ZNF570: variants seen among roughly 807,000 people sequenced by gnomAD.
The protein encoded by ZNF570 is zinc finger protein 570.
ZNF570 carries 8 observed loss-of-function variants against 14.2 expected under a neutral mutation model. The ratio of observed to expected loss-of-function variants is 0.56; its 90% CI spans 0.33 to 1.02. The LOEUF (loss-of-function observed/expected upper bound fraction) is 1.02, where lower values mean the gene tolerates loss of function less well. ZNF570 is among the 50% of genes least tolerant of loss of function. ZNF570 has a pLI of 0.03. For synonymous variants in ZNF570, 202 were observed against 207.6 expected, an observed-to-expected ratio of 0.97 and a Z score of 0.23; for missense variants, 559 against 624.9, an observed-to-expected ratio of 0.89 and a Z score of 1.12.
intron 4 of ZNF570, among the ~76,000 whole-genome samples, chr19:37,481,248 C>T (rs1015603843): frequency 6.6e-6 from 1 of 151,794 alleles, no homozygotes; most frequent in African/African-American, 2.4e-5. Context: ...CCCCAACCCG[C>T]GTTCAAGCAA....
In ZNF570 at chr19:37,485,383, C is replaced by A; in HGVS notation, c.*150C>A. On this transcript the variant is annotated 3_prime_UTR_variant, in exon 5 of 5. Transcript: ENST00000330173. ...TTGCTACCTTTAAATCCATTTCCCACAATGCACTCAAACGGATCTTTTTTT... is the reference window on the plus strand; with the variant it reads ...TTGCTACCTTTAAATCCATTTCCCAAAATGCACTCAAACGGATCTTTTTTT... 2.8e-6 allele frequency: 2 copies of A among 719,854 alleles called. No individual in the cohort carries two copies. The highest frequency in any genetic ancestry group is 4.2e-6 in the Non-Finnish European group (2 of 480,870). The allele number at this position is 719,854 out of a possible 1,614,324, so 44.6% of individuals were successfully genotyped here.
chr19:37,469,261 G>C, upstream of ZNF570: 2 of 1,395,864 alleles, frequency 1.4e-6, no homozygotes, highest in Non-Finnish European at 1.9e-6. Context: ...GCGACGCCGC[G>C]ACCTTTTCTA....
At position 37,469,515 on chromosome 19, in the gene ZNF570, A is replaced by G. The variant is rs555959871; in HGVS notation, c.-94A>G. On this transcript the variant is annotated 5_prime_UTR_variant, in exon 1 of 5. Transcript: ENST00000330173. ...TGAGGAGTGGCGTGTGGGTCTCCGG[A>G]AGCTCGTCGCAGGCCATCTGTGTGA... The G allele has an allele frequency of 2.6e-5, 40 of 1,535,932 alleles. No homozygotes were observed. In the East Asian group the frequency reaches 9.5e-4, roughly 37 times the overall value.
At chr19:37,468,754 C>T (rs184034391), upstream of ZNF570, among the ~76,000 whole-genome samples, 100 of 152,328 alleles carry the variant, frequency 6.6e-4, 1 homozygote, top group Middle Eastern at 0.014. Context: ...GATCTGCCCA[C>T]CTTGGCCTTC....
chr19:37,484,910 G>A lies in ZNF570; in HGVS notation c.1288G>A (p.Ala430Thr). The A allele has an allele frequency of 1.2e-6, 2 of 1,613,956 alleles. No homozygotes were observed. The highest frequency in any genetic ancestry group is 1.7e-6 in the Non-Finnish European group (2 of 1,179,998). ...RKAFSQIAYL[A>T]QHQRVHTGEK... Reference sequence around the variant, plus strand: ...AGCATTCAGCCAGATTGCCTACCTTGCTCAGCATCAAAGAGTTCATACTGG... The same window carrying A: ...AGCATTCAGCCAGATTGCCTACCTTACTCAGCATCAAAGAGTTCATACTGG... The change falls in exon 5 of 5, where the codon GCT becomes ACT. Residue 430 changes from alanine (A) to threonine (T), a missense_variant. Coordinates refer to ENST00000330173, the MANE Select transcript of ZNF570 (RefSeq NM_144694.5).
At chr19:37,475,282 C>G (rs1261326805) in intron 2 of ZNF570, among the ~76,000 whole-genome samples, 1 of 152,178 alleles carries the variant, frequency 6.6e-6, no homozygotes, top group Non-Finnish European at 1.5e-5. Context: ...AGAACTTTCT[C>G]TAACCCCTGT....
intron 2 of ZNF570, 103 bp from the exon 3 acceptor site, chr19:37,475,778 C>A: frequency 8.8e-7 from 1 of 1,134,444 alleles, no homozygotes; most frequent in Non-Finnish European, 1.2e-6. Context: ...AACATGGTTA[C>A]ATATTTGAGG....
chr19:37,485,404 T>G lies in ZNF570; in HGVS notation c.*171T>G. The G allele has an allele frequency of 1.7e-6, 1 of 596,096 alleles. No individual in the cohort carries two copies. Among genetic ancestry groups the G allele is most frequent in the South Asian group, 3.7e-5 (1 of 26,902 alleles). The allele number at this position is 596,096 out of a possible 1,614,324, so 36.9% of individuals were successfully genotyped here. ...CCCACAATGCACTCAAACGGATCTTTTTTTTCTTTTTTTTTCTTTTTGAGA... is the reference window on the plus strand; with the variant it reads ...CCCACAATGCACTCAAACGGATCTTGTTTTTCTTTTTTTTTCTTTTTGAGA... On this transcript the variant is annotated 3_prime_UTR_variant, in exon 5 of 5. Transcript: ENST00000330173.
rs1379763877 is a variant in ZNF570 at position 37,486,048 on chromosome 19, AAAAAG to A, written c.*823_*827del. 3 of 152,024 alleles carry A rather than the reference AAAAAG, an allele frequency of 2.0e-5. No homozygotes were observed. The highest frequency in any genetic ancestry group is 7.3e-5 in the African/African-American group (3 of 41,378). 9.4% of individuals were successfully genotyped at this position (152,024 alleles called of 1,614,324 possible). A position where few individuals can be genotyped will look rare whatever the true frequency, so the allele number is the denominator to read the frequency against. ...CAAGGCTGCAACTCCGTCTCAAAAT[AAAAAG>A]AAAAGAAGAGAAAAGAAAACACATG... On this transcript the variant is annotated 3_prime_UTR_variant, in exon 5 of 5. Transcript: ENST00000330173.
chr19:37,473,215 C>T (rs191680640), intron 2 of ZNF570, among the ~76,000 whole-genome samples: 13 of 152,188 alleles, frequency 8.5e-5, no homozygotes, highest in African/African-American at 1.2e-4. Flanking sequence ...GCAGCATTTC[C>T]GCCCACTTGA....
At chr19:37,472,298 A>G (rs1600376886) in intron 2 of ZNF570, among the ~76,000 whole-genome samples, 1 of 142,026 alleles carries the variant, frequency 7.0e-6, no homozygotes, top group African/African-American at 2.7e-5. Context: ...TTCTCTCTCT[A>G]CCTCTACTCT....
chr19:37,480,652 T>C (rs1301855983), intron 4 of ZNF570, among the ~76,000 whole-genome samples: 1 of 151,924 alleles, frequency 6.6e-6, no homozygotes, highest in Non-Finnish European at 1.5e-5. Flanking sequence ...TTTAGTGTTG[T>C]TTAGATTTAT....
At position 37,484,874 on chromosome 19, in the gene ZNF570, G is replaced by T; in HGVS notation, c.1252G>T (p.Glu418Ter). 1 of 1,613,798 alleles carries T rather than the reference G, an allele frequency of 6.2e-7. No individual in the cohort carries two copies. Among genetic ancestry groups the T allele is most frequent in the Non-Finnish European group, 8.5e-7 (1 of 1,179,986 alleles). Reference protein sequence around the residue: ...HTGEKPYKCQECRKAFSQIAY... With the variant: ...HTGEKPYKCQ ...TGGAGAAAAACCTTATAAGTGTCAG[G>T]AATGTAGGAAAGCATTCAGCCAGAT... The change falls in exon 5 of 5, where the codon GAA (glutamate) becomes TAA (stop). Residue 418 changes from glutamate (E) to a stop codon, truncating the protein, a stop_gained. Coordinates refer to ENST00000330173, the MANE Select transcript of ZNF570 (RefSeq NM_144694.5). LOFTEE classifies it low-confidence loss of function (END_TRUNC).
rs942017657 is a variant in ZNF570 at position 37,488,012 on chromosome 19, G to A, written c.*2779G>A. On this transcript the variant is annotated 3_prime_UTR_variant, in exon 5 of 5. Coordinates refer to ENST00000330173, the MANE Select transcript of ZNF570 (RefSeq NM_144694.5). ...TGTGGAGCAATAGGAACACTCATAC[G>A]GTGCTATAGGAAGTAGTTGTGTTTA... 4.6e-5 allele frequency: 7 copies of A among 152,178 alleles called. No homozygotes were observed. The highest frequency in any genetic ancestry group is 2.6e-4 in the Admixed American group (4 of 15,274). 9.4% of individuals were successfully genotyped at this position (152,178 alleles called of 1,614,324 possible). A position where few individuals can be genotyped will look rare whatever the true frequency, so the allele number is the denominator to read the frequency against.
rs780211570 is a variant in ZNF570 at position 37,484,418 on chromosome 19, A to G, written c.796A>G (p.Arg266Gly). ...SQRSNLVQHQ[R>G]IHTGEKPYEC... ...GAGATCAAATCTTGTTCAACATCAGAGGATTCATACTGGAGAAAAACCCTA... is the reference window on the plus strand; with the variant it reads ...GAGATCAAATCTTGTTCAACATCAGGGGATTCATACTGGAGAAAAACCCTA... Residue 266 changes from arginine to glycine, a missense_variant, in exon 5 of 5, where the codon AGG (arginine) becomes GGG (glycine). Coordinates refer to ENST00000330173, the MANE Select transcript of ZNF570 (RefSeq NM_144694.5). The G allele has an allele frequency of 1.2e-6, 2 of 1,614,166 alleles. No individual in the cohort carries two copies. The highest frequency in any genetic ancestry group is 2.2e-5 in the South Asian group (2 of 91,076).
intron 2 of ZNF570, among the ~76,000 whole-genome samples, chr19:37,472,611 G>T (rs557376267): frequency 1.3e-5 from 2 of 151,884 alleles, no homozygotes; most frequent in Non-Finnish European, 2.9e-5. Flanking sequence ...GCGTAGTTGC[G>T]CATGCCTGTA....
At chr19:37,473,310 A>C (rs1040029006) in intron 2 of ZNF570, among the ~76,000 whole-genome samples, 1 of 152,210 alleles carries the variant, frequency 6.6e-6, no homozygotes, top group Non-Finnish European at 1.5e-5. Context: ...TGCAGGATAC[A>C]GGCACAGAGT....
upstream of ZNF570, chr19:37,469,216 C>T (rs1291366751): frequency 1.7e-5 from 22 of 1,311,342 alleles, no homozygotes; most frequent in Non-Finnish European, 1.9e-5. Context: ...GTGTTACAAA[C>T]CCTGCGCGGA....
Position 37,485,292 on chromosome 19 carries a change from C to T in ZNF570, c.*59C>T. ...TGTTTTTTATCTTTAATGTTGTCAC[C>T]TTGGTCTGATTCATCTCACTCTGAT... On this transcript the variant is annotated 3_prime_UTR_variant, in exon 5 of 5. Coordinates refer to ENST00000330173, the MANE Select transcript of ZNF570 (RefSeq NM_144694.5). The T allele has an allele frequency of 6.9e-7, 1 of 1,448,376 alleles. No homozygotes were observed. The highest frequency in any genetic ancestry group is 2.7e-5 in the Admixed American group (1 of 36,758). The allele number at this position is 1,448,376 out of a possible 1,614,324, so 89.7% of individuals were successfully genotyped here. A position where few individuals can be genotyped will look rare whatever the true frequency, so the allele number is the denominator to read the frequency against.
Sources: gnomAD v4.1 joint callset for allele counts (sites outside exome capture counted in the v4.1 genomes callset) on GRCh38, gnomAD v4.1.1 for gene constraint, MANE v1.5 for transcripts, NCBI Gene and HGNC (gene_info 2026-07-23, HGNC 2026-07-21) for gene names.